The following PHGDH variants were observed in gnomAD, a reference collection of about 807,000 sequenced individuals.
The protein encoded by PHGDH is phosphoglycerate dehydrogenase, also known as D-3-phosphoglycerate dehydrogenase.
PHGDH carries 50 observed loss-of-function variants against 52.6 expected under a neutral mutation model. The ratio of observed to expected loss-of-function variants is 0.95; its 90% confidence interval spans 0.76 to 1.20. The LOEUF is 1.20. PHGDH is among the 50% of genes most tolerant of loss of function. PHGDH has a pLI of 0.00. For synonymous variants in PHGDH, 271 were observed against 280.5 expected (o/e 0.97, Z 0.34); for missense variants, 630 against 684.6 (o/e 0.92, Z 0.89).
At chr1:119,712,293 G>A (rs1353153995) in intron 1 of PHGDH, 133 bp downstream of exon 1, 4 of 762,810 alleles carry the variant, frequency 5.2e-6, no homozygotes, top group South Asian at 3.0e-5. Flanking sequence ...AGATTGGGGG[G>A]TAGAGAAGAA....
intron 2 of PHGDH, among the ~76,000 whole-genome samples, chr1:119,722,100 C>T (rs1043881440): frequency 6.6e-6 from 1 of 152,220 alleles, no homozygotes; most frequent in African/African-American, 2.4e-5. Flanking sequence ...AATTGGTCAC[C>T]TGACTGAAGT....
At position 119,741,897 on chromosome 1, in the gene PHGDH, T is replaced by A. The variant is rs755664482; in HGVS notation, c.1209T>A (p.Asn403Lys). 1 of 1,613,410 alleles carries A rather than the reference T, an allele frequency of 6.2e-7. No homozygotes were observed. Among genetic ancestry groups the A allele is most frequent in the Non-Finnish European group, 8.5e-7 (1 of 1,179,400 alleles). ...AKLLVKEAGLNVTTSHSPAAP... is the reference protein window; with the variant it reads ...AKLLVKEAGLKVTTSHSPAAP... ...TGCTGGTGAAAGAGGCTGGCCTCAA[T>A]GTGCGCCCCTCTCCCCCACGCTGCC... The change falls in exon 10 of 12, where the codon AAT (asparagine) becomes AAA (lysine). Residue 403 changes from asparagine (N) to lysine (K), a missense_variant and splice_region_variant. Asn to Lys is a moderately conservative substitution (Grantham distance 94, BLOSUM62 0). Transcript: ENST00000641023.
chr1:119,736,995 A>G (rs1004647742), intron 7 of PHGDH, 119 bp from the exon 8 acceptor site: 26 of 898,120 alleles, frequency 2.9e-5, no homozygotes, highest in Middle Eastern at 6.4e-4. Context: ...GACAAAATAG[A>G]AGTGGAAGGC....
Position 119,741,794 on chromosome 1 carries a change from G to A in PHGDH, c.1106G>A (p.Cys369Tyr). The A allele has an allele frequency of 6.2e-7, 1 of 1,613,520 alleles. No homozygotes were observed. Among genetic ancestry groups the A allele is most frequent in the Non-Finnish European group, 8.5e-7 (1 of 1,179,448 alleles). Residue 369 changes from cysteine (C) to tyrosine (Y), a missense_variant, in exon 10 of 12, where the codon TGC becomes TAC. Physicochemically the swap from Cys to Tyr is radical, Grantham distance 194 (BLOSUM62 -2). Transcript: ENST00000641023. ...QGTSLKNAGN[C>Y]LSPAVIVGLL... ...ACATCCCTGAAGAATGCTGGGAACT[G>A]CCTAAGCCCCGCAGTCATTGTCGGC...
At chr1:119,732,197 G>A (rs1446858750) in intron 5 of PHGDH, among the ~76,000 whole-genome samples, 1 of 152,180 alleles carries the variant, frequency 6.6e-6, no homozygotes, top group Non-Finnish European at 1.5e-5. Context: ...TCTTTGCTCT[G>A]CTGAGCCAGC....
At chr1:119,729,997 G>C (rs587634569) in intron 5 of PHGDH, 1 of 152,254 alleles carries the variant, frequency 6.6e-6, no homozygotes, top group South Asian at 2.1e-4. Context: ...TCCCACCTCA[G>C]CCCCTCCGGA....
intron 5 of PHGDH, among the ~76,000 whole-genome samples, chr1:119,730,977 G>C (rs1054567904): frequency 2.6e-5 from 4 of 152,186 alleles, no homozygotes; most frequent in Admixed American, 2.6e-4. Context: ...AGGCTAGAAT[G>C]GTTGGGCACC....
chr1:119,734,893 A>C (rs759392891), intron 6 of PHGDH, 127 bp downstream of exon 6: 3 of 1,063,976 alleles, frequency 2.8e-6, no homozygotes, highest in Non-Finnish European at 4.3e-6. Context: ...TGGGTCCTGC[A>C]GAGGCTGGTG....
chr1:119,730,233 G>T (rs1002928321), intron 5 of PHGDH, among the ~76,000 whole-genome samples: 2 of 152,170 alleles, frequency 1.3e-5, no homozygotes, highest in Non-Finnish European at 2.9e-5. Flanking sequence ...AGGAAATGAG[G>T]ATAAGTGTTT....
intron 8 of PHGDH, 42 bp from the exon 9 acceptor site, chr1:119,740,344 T>G: frequency 1.9e-6 from 3 of 1,612,946 alleles, no homozygotes; most frequent in South Asian, 2.2e-5. Flanking sequence ...GGATCTGCCA[T>G]GCCTCTTCCT....
At chr1:119,731,078 C>A (rs587775939) in intron 5 of PHGDH, among the ~76,000 whole-genome samples, 28 of 152,300 alleles carry the variant, frequency 1.8e-4, no homozygotes, top group African/African-American at 6.5e-4. Context: ...AAGCATTTGT[C>A]AAAAGCTTTT....
chr1:119,721,332 G>C lies in PHGDH; in HGVS notation c.290+11G>C. ...CATCTTGGTTATGAAGTAAGTCATG[G>C]AGGCTGCGGGCGGTTTGGGGGTAGG... On this transcript the variant is annotated intron_variant, in intron 2 of 11. Transcript: ENST00000641023. 6.2e-7 allele frequency: 1 copy of C among 1,612,150 alleles called. No individual in the cohort carries two copies.
In PHGDH at chr1:119,712,112, G is replaced by C. The variant is rs376722247; in HGVS notation, c.90G>C (p.Val30=). The C allele has an allele frequency of 1.2e-6, 2 of 1,613,992 alleles. No homozygotes were observed. The highest frequency in any genetic ancestry group is 2.7e-5 in the African/African-American group (2 of 74,934). ...TCTTGCAAGATGGAGGGCTGCAGGT[G>C]GTGGAAAAGCAGAACCTTAGCAAAG... The part of the protein sequence containing the change: ...RKILQDGGLQ[V]VEKQNLSKEE... Residue 30 remains valine (V), a synonymous_variant, in exon 1 of 12, where the codon GTG becomes GTC. Coordinates refer to ENST00000641023, the MANE Select transcript of PHGDH (RefSeq NM_006623.4).
intron 8 of PHGDH, chr1:119,739,892 T>A (rs1652112549): frequency 6.0e-6 from 1 of 167,368 alleles, no homozygotes; most frequent in Non-Finnish European, 1.3e-5. Context: ...TGAAGCACGA[T>A]CATCAAAACT....
At chr1:119,734,554 A>G in intron 5 of PHGDH, 80 bp from the exon 6 acceptor site, 1 of 1,420,388 alleles carries the variant, frequency 7.0e-7, no homozygotes, top group Non-Finnish European at 9.9e-7. Flanking sequence ...TAAATGCTCA[A>G]AAAATGTTTG....
rs759854976 is a variant in PHGDH at position 119,735,460 on chromosome 1, C to G, written c.792+17C>G. The G allele has an allele frequency of 1.9e-6, 3 of 1,609,412 alleles. No individual in the cohort carries two copies. The highest frequency in any genetic ancestry group is 1.1e-5 in the South Asian group (1 of 91,064). ...TTTACGGAAGTAAGTGCCTGGCAGC[C>G]TCAGCGTCAGGAGGACGGGAGAGAT... On this transcript the variant is annotated intron_variant, in intron 7 of 11. Transcript: ENST00000641023.
rs587653134 is a variant in PHGDH at position 119,727,830 on chromosome 1, T to A, written c.510+728T>A. 3.4e-4 allele frequency: 52 copies of A among 152,668 alleles called. 1 individual carries two copies. The highest frequency in any genetic ancestry group is 1.2e-3 in the African/African-American group (51 of 41,540). The allele number at this position is 152,668 out of a possible 1,614,324, so 9.5% of individuals were successfully genotyped here. A position where few individuals can be genotyped will look rare whatever the true frequency, so the allele number is the denominator to read the frequency against. Reference sequence around the variant, plus strand: ...GCCTGGGCGACAGAGCGAGACTCCGTCTTAAAAAACAGAAACAAAAACAAA... The same window carrying A: ...GCCTGGGCGACAGAGCGAGACTCCGACTTAAAAAACAGAAACAAAAACAAA... On this transcript the variant is annotated intron_variant, in intron 5 of 11. Coordinates refer to ENST00000641023, the MANE Select transcript of PHGDH (RefSeq NM_006623.4).
At chr1:119,714,963 A>G (rs1477722110) in intron 1 of PHGDH, among the ~76,000 whole-genome samples, 7 of 152,260 alleles carry the variant, frequency 4.6e-5, no homozygotes, top group Non-Finnish European at 8.8e-5. Context: ...ACCTCAGTCA[A>G]AAAAGTTTGG....
Position 119,734,373 on chromosome 1 carries a change from C to T in PHGDH, c.511-261C>T, listed in dbSNP as rs1571008691. ...TGTGGAAGCCCTGCTTCCCTCAGCT[C>T]TCAAGCAGACAAGAACAGTCCCAGC... On this transcript the variant is annotated intron_variant, in intron 5 of 11. Coordinates refer to ENST00000641023, the MANE Select transcript of PHGDH (RefSeq NM_006623.4). The T allele has an allele frequency of 1.8e-5, 8 of 454,230 alleles. No homozygotes were observed. The East Asian group carries it at 3.4e-4, about 19-fold the overall frequency. 28.1% of individuals were successfully genotyped at this position (454,230 alleles called of 1,614,324 possible). A position where few individuals can be genotyped will look rare whatever the true frequency, so the allele number is the denominator to read the frequency against.
Sources: gnomAD v4.1 joint callset for allele counts (sites outside exome capture counted in the v4.1 genomes callset) on GRCh38, gnomAD v4.1.1 for gene constraint, MANE v1.5 for transcripts, NCBI Gene and HGNC (gene_info 2026-07-23, HGNC 2026-07-21) for gene names.